Variants in FERMT2 observed in about 807,000 individuals in gnomAD.
The protein encoded by FERMT2 is fermitin family homolog 2.
Under a neutral mutation model 82.7 loss-of-function variants are expected in FERMT2, and 15 were observed. That is an observed-to-expected ratio of 0.18 (90% confidence interval 0.12 to 0.28). FERMT2 has a LOEUF of 0.28. Among genes scored for constraint, FERMT2 ranks in the 10% least tolerant of loss-of-function variants. The pLI is 1.00. For missense variants in FERMT2, 645 were observed against 809.4 expected (o/e 0.80, Z 2.46); for synonymous variants, 274 against 271.5 (o/e 1.01, Z -0.09).
intron 3 of FERMT2, among the ~76,000 whole-genome samples, chr14:52,909,299 T>C (rs1888182120): frequency 6.6e-6 from 1 of 152,184 alleles, no homozygotes; most frequent in Non-Finnish European, 1.5e-5. Flanking sequence ...AACCCACGTA[T>C]GCCTGGAGCT....
At chr14:52,886,271 G>C (rs1030770207) in intron 4 of FERMT2, among the ~76,000 whole-genome samples, 32 of 141,704 alleles carry the variant, frequency 2.3e-4, no homozygotes, top group African/African-American at 4.4e-4. Flanking sequence ...AAACTCTTGG[G>C]GGGGAGAGAG....
chr14:52,927,339 G>A (rs1015021061), intron 2 of FERMT2, among the ~76,000 whole-genome samples: 2 of 151,986 alleles, frequency 1.3e-5, no homozygotes, highest in East Asian at 1.9e-4. Flanking sequence ...CCCACTTTAT[G>A]CAATTCCAGC....
intron 7 of FERMT2, among the ~76,000 whole-genome samples, chr14:52,875,910 T>C (rs1227548886): frequency 6.6e-6 from 1 of 152,182 alleles, no homozygotes; most frequent in Non-Finnish European, 1.5e-5. Context: ...AGTACGCACA[T>C]GGACACCCAC....
chr14:52,862,515 A>C (rs1303400607), intron 12 of FERMT2: 1 of 152,310 alleles, frequency 6.6e-6, no homozygotes, highest in African/African-American at 2.4e-5. Flanking sequence ...AAAAAATACA[A>C]AAATTAGCCT....
intron 4 of FERMT2, among the ~76,000 whole-genome samples, chr14:52,882,523 A>G (rs576398550): frequency 3.3e-5 from 5 of 152,318 alleles, no homozygotes; most frequent in African/African-American, 1.2e-4. Context: ...GACATTAAGG[A>G]CAAGCAGCTC....
In FERMT2 at chr14:52,919,148, A is replaced by C. The variant is rs756060037; in HGVS notation, c.366T>G (p.Ala122=). The C allele has an allele frequency of 6.2e-7, 1 of 1,612,194 alleles. No individual in the cohort carries two copies. Among genetic ancestry groups the C allele is most frequent in the African/African-American group, 1.3e-5 (1 of 74,880 alleles). Residue 122 remains alanine, a synonymous_variant, in exon 3 of 15, where the codon GCT becomes GCG. Transcript: ENST00000341590. ...KVNFSDRVFK[A]VSDICKTFNI... The stretch of plus-strand genomic sequence containing the variant: ...TAAAAGTCTTACAGATGTCAGAAAC[A>C]GCTTTGAAGACTCTATCAGAGAAAT...
intron 3 of FERMT2, among the ~76,000 whole-genome samples, chr14:52,911,032 T>G (rs1248246166): frequency 6.6e-6 from 1 of 152,192 alleles, no homozygotes; most frequent in Middle Eastern, 3.2e-3. Flanking sequence ...ATACTGTCAC[T>G]TCAGTGTTCA....
intron 2 of FERMT2, among the ~76,000 whole-genome samples, chr14:52,941,201 C>T (rs1315280407): frequency 2.0e-5 from 3 of 152,056 alleles, no homozygotes; most frequent in African/African-American, 7.2e-5. Context: ...TGAAAGAAAC[C>T]AGATTCAAAG....
intron 6 of FERMT2, among the ~76,000 whole-genome samples, chr14:52,879,072 T>C (rs1886144988): frequency 1.3e-5 from 2 of 152,202 alleles, no homozygotes; most frequent in Admixed American, 6.5e-5. Context: ...TTCAGTGTTA[T>C]TACTGCAACT....
chr14:52,926,717 T>A (rs1251728453), intron 2 of FERMT2, among the ~76,000 whole-genome samples: 2 of 151,690 alleles, frequency 1.3e-5, no homozygotes, highest in Non-Finnish European at 2.9e-5. Flanking sequence ...GGGTGGGGCG[T>A]GGGGGGTAAA....
chr14:52,873,155 T>G (rs1274698233), intron 9 of FERMT2, among the ~76,000 whole-genome samples: 2 of 152,154 alleles, frequency 1.3e-5, no homozygotes, highest in Non-Finnish European at 2.9e-5. Context: ...AGAAAGGCAG[T>G]AGGGCCTGTG....
intron 2 of FERMT2, chr14:52,948,500 G>A (rs886659475): frequency 1.4e-5 from 6 of 433,540 alleles, no homozygotes; most frequent in Non-Finnish European, 2.7e-5. Flanking sequence ...AAATATAAGA[G>A]GAATCAGTAT....
At chr14:52,922,299 T>C (rs115941602) in intron 2 of FERMT2, among the ~76,000 whole-genome samples, 324 of 152,272 alleles carry the variant, frequency 2.1e-3, no homozygotes, top group African/African-American at 7.4e-3. Flanking sequence ...TAACACTTCT[T>C]GGCTGCCAGC....
At chr14:52,929,362 C>T (rs1457155643) in intron 2 of FERMT2, among the ~76,000 whole-genome samples, 2 of 152,186 alleles carry the variant, frequency 1.3e-5, no homozygotes, top group African/African-American at 4.8e-5. Flanking sequence ...TGGTCTCCTT[C>T]ATTCCATTCA....
At chr14:52,924,430 T>TG (rs910357706) in intron 2 of FERMT2, among the ~76,000 whole-genome samples, 1 of 151,472 alleles carries the variant, frequency 6.6e-6, no homozygotes, top group Non-Finnish European at 1.5e-5. Flanking sequence ...TGTATTTTTT[T>TG]TATGGGCAGA....
At chr14:52,940,112 G>A (rs562117286) in intron 2 of FERMT2, among the ~76,000 whole-genome samples, 20 of 152,200 alleles carry the variant, frequency 1.3e-4, no homozygotes, top group African/African-American at 4.1e-4. Flanking sequence ...ACTCCCTTCC[G>A]ATTCTAAAGT....
chr14:52,941,059 T>C (rs1403816228), intron 2 of FERMT2, among the ~76,000 whole-genome samples: 4 of 152,312 alleles, frequency 2.6e-5, no homozygotes, highest in East Asian at 3.9e-4. Flanking sequence ...CTCCTAAAAC[T>C]GGGAGTAACC....
intron 4 of FERMT2, among the ~76,000 whole-genome samples, chr14:52,888,815 T>C (rs897711749): frequency 6.6e-6 from 1 of 152,224 alleles, no homozygotes; most frequent in Non-Finnish European, 1.5e-5. Context: ...CCACTACTCA[T>C]GTAGAGTACA....
rs112864645 is a variant in FERMT2, at chr14:52,880,274, T to C, written c.855+762A>G. ...CCTGTCTCAAGAAAAAAACGTTTTTTTGAAGCAACATCTTTTGGCACGTAA... is the reference window on the plus strand; with the variant it reads ...CCTGTCTCAAGAAAAAAACGTTTTTCTGAAGCAACATCTTTTGGCACGTAA... On this transcript the variant is annotated intron_variant, in intron 6 of 14. Coordinates refer to ENST00000341590, the MANE Select transcript of FERMT2 (RefSeq NM_006832.3). Among the ~76,000 whole-genome samples, 708 of 152,290 alleles carry C rather than the reference T, an allele frequency of 4.6e-3. 7 individuals carry two copies. Among genetic ancestry groups the C allele is most frequent in the African/African-American group, 0.016 (656 of 41,578 alleles).
Sources: allele counts gnomAD v4.1 joint callset (sites outside exome capture counted in the v4.1 genomes callset), GRCh38; gene constraint gnomAD v4.1.1; transcripts MANE v1.5; gene names NCBI Gene and HGNC (gene_info 2026-07-23, HGNC 2026-07-21).